The following CORO2B variants were observed in gnomAD, a reference collection of about 807,000 sequenced individuals.
CORO2B encodes coronin-2B.
A neutral mutation model predicts 58.8 loss-of-function variants in CORO2B; 26 were observed. The ratio of observed to expected loss-of-function variants is 0.44; its 90% CI spans 0.32 to 0.61. CORO2B has a LOEUF of 0.61. Among genes scored for constraint, CORO2B ranks in the 20% least tolerant of loss-of-function variants. The pLI, the probability that CORO2B is intolerant of heterozygous loss-of-function variation, is 0.04. For synonymous variants in CORO2B, 242 were observed against 253.8 expected, an observed-to-expected ratio of 0.95 and a Z score of 0.44; for missense variants, 460 against 645.1, an observed-to-expected ratio of 0.71 and a Z score of 3.11.
intron 1 of CORO2B, among the ~76,000 whole-genome samples, chr15:68,604,798 T>C (rs1487668860): frequency 6.6e-6 from 1 of 152,128 alleles, no homozygotes; most frequent in Non-Finnish European, 1.5e-5. Flanking sequence ...CTTTAATAAT[T>C]AGGAGAAAAT....
chr15:68,637,717 A>AG (rs1350421432), intron 1 of CORO2B, among the ~76,000 whole-genome samples: 2 of 145,314 alleles, frequency 1.4e-5, no homozygotes, highest in Non-Finnish European at 3.0e-5. Flanking sequence ...GGGAGCTACC[A>AG]GGGCAGATCT....
chr15:68,521,917 G>A, the CORO2B span, among the ~76,000 whole-genome samples: 6 of 152,028 alleles, frequency 3.9e-5, no homozygotes, highest in South Asian at 2.1e-4. Context: ...AAAAAAATAC[G>A]AAAGCCTCTC....
intron 1 of CORO2B, among the ~76,000 whole-genome samples, chr15:68,582,312 G>T (rs1899446353): frequency 6.6e-6 from 1 of 152,168 alleles, no homozygotes; most frequent in South Asian, 2.1e-4. Context: ...TTTATAGGAT[G>T]AGAAAGAGAA....
At chr15:68,553,147 G>A in the CORO2B span, among the ~76,000 whole-genome samples, 6 of 152,198 alleles carry the variant, frequency 3.9e-5, no homozygotes, top group Non-Finnish European at 8.8e-5. Context: ...AATCTCAGGG[G>A]CCATGTAAGC....
intron 1 of CORO2B, among the ~76,000 whole-genome samples, chr15:68,580,648 G>C (rs1290726653): frequency 6.6e-6 from 1 of 152,134 alleles, no homozygotes; most frequent in African/African-American, 2.4e-5. Context: ...TGGCCCACCT[G>C]GGGTAAGATG....
chr15:68,526,459 C>T, the CORO2B span, among the ~76,000 whole-genome samples: 3 of 152,094 alleles, frequency 2.0e-5, no homozygotes, highest in Non-Finnish European at 4.4e-5. Flanking sequence ...TGTAGTCATA[C>T]CTCATTGTGG....
the CORO2B span, among the ~76,000 whole-genome samples, chr15:68,536,400 G>T: frequency 1.3e-5 from 2 of 152,180 alleles, no homozygotes; most frequent in Non-Finnish European, 2.9e-5. Context: ...TGTGACTTTG[G>T]AATCTTGGCC....
the CORO2B span, among the ~76,000 whole-genome samples, chr15:68,528,288 C>T: frequency 6.6e-6 from 1 of 152,090 alleles, no homozygotes; most frequent in Non-Finnish European, 1.5e-5. Flanking sequence ...TTTATATATT[C>T]TCTTTATCAA....
Position 68,590,505 on chromosome 15 carries a change from G to A in CORO2B, c.15+11228G>A, listed in dbSNP as rs146133736. Among the ~76,000 whole-genome samples the A allele has an allele frequency of 7.6e-4, 116 of 152,104 alleles. 1 individual carries two copies. Among genetic ancestry groups the A allele is most frequent in the African/African-American group, 1.9e-3 (79 of 41,486 alleles). On this transcript the variant is annotated intron_variant, in intron 1 of 11. Transcript: ENST00000261861. ...GAAGGGGCAAACTGGGCCATAACCC[G>A]CTGGCTGCACCGCCCCATGCACAAG...
chr15:68,568,234 TCTC>T, the CORO2B span, among the ~76,000 whole-genome samples: 1 of 151,928 alleles, frequency 6.6e-6, no homozygotes, highest in African/African-American at 2.4e-5. Context: ...ACAAGTTACT[TCTC>T]CTCTCTCCCT....
At chr15:68,546,311 T>C in the CORO2B span, among the ~76,000 whole-genome samples, 1 of 152,176 alleles carries the variant, frequency 6.6e-6, no homozygotes, top group African/African-American at 2.4e-5. Context: ...CCAGTTGCAA[T>C]CTTTTCTGTT....
At chr15:68,721,834 A>C (rs74320050) in intron 11 of CORO2B, among the ~76,000 whole-genome samples, 3,797 of 152,150 alleles carry the variant, frequency 0.025, 162 homozygotes, top group African/African-American at 0.086. Flanking sequence ...TATAACCTCA[A>C]TCTCCGAGGC....
At chr15:68,696,098 A>C (rs921521004) in intron 3 of CORO2B, among the ~76,000 whole-genome samples, 3 of 151,658 alleles carry the variant, frequency 2.0e-5, no homozygotes, top group African/African-American at 4.8e-5. Flanking sequence ...AAAAAAAAAA[A>C]AACTAGGTGG....
rs372424321 is a variant in CORO2B, at chr15:68,714,582, C to T, written c.789C>T (p.Ile263=). The change falls in exon 7 of 12, where the codon ATC becomes ATT. Residue 263 remains isoleucine (I), a synonymous_variant. Transcript: ENST00000261861. ...AGGAGGACCTCTCCATGCCCCTGATCGAAGAGGAAATTGATGGGCTCTCTG... is the reference window on the plus strand; with the variant it reads ...AGGAGGACCTCTCCATGCCCCTGATTGAAGAGGAAATTGATGGGCTCTCTG... ...WDQEDLSMPL[I]EEEIDGLSGL... 1.5e-5 allele frequency: 25 copies of T among 1,613,888 alleles called. No individual in the cohort carries two copies. Among genetic ancestry groups the T allele is most frequent in the East Asian group, 6.7e-5 (3 of 44,886 alleles).
intron 1 of CORO2B, among the ~76,000 whole-genome samples, chr15:68,618,410 G>T (rs1192834464): frequency 6.6e-6 from 1 of 152,218 alleles, no homozygotes; most frequent in Non-Finnish European, 1.5e-5. Context: ...AATCACAGAA[G>T]GCTCCCAGTT....
At chr15:68,689,944 G>A (rs1892318246) in intron 2 of CORO2B, among the ~76,000 whole-genome samples, 1 of 152,172 alleles carries the variant, frequency 6.6e-6, no homozygotes, top group African/African-American at 2.4e-5. Flanking sequence ...GAATTTAGGA[G>A]TTTTGCAAGC....
intron 1 of CORO2B, among the ~76,000 whole-genome samples, chr15:68,608,655 C>T (rs28610166): frequency 0.011 from 1,669 of 152,302 alleles, 38 homozygotes; most frequent in African/African-American, 0.037. Context: ...TTCCCAGTTC[C>T]TCCTCTCCTA....
chr15:68,679,681 G>A (rs1277366989), intron 2 of CORO2B, among the ~76,000 whole-genome samples: 1 of 152,192 alleles, frequency 6.6e-6, no homozygotes, highest in Non-Finnish European at 1.5e-5. Context: ...CTGAGCCAAA[G>A]TAGACCCTGA....
the CORO2B span, among the ~76,000 whole-genome samples, chr15:68,550,788 C>T: frequency 6.6e-6 from 1 of 152,190 alleles, no homozygotes; most frequent in East Asian, 1.9e-4. Flanking sequence ...GAGATGCAGG[C>T]GGCTCTGGAG....
Sources: gnomAD v4.1 joint callset for allele counts (sites outside exome capture counted in the v4.1 genomes callset) on GRCh38, gnomAD v4.1.1 for gene constraint, MANE v1.5 for transcripts, NCBI Gene and HGNC (gene_info 2026-07-23, HGNC 2026-07-21) for gene names.